The following LRIG1 variants were observed in gnomAD, a reference collection of about 807,000 sequenced individuals.
LRIG1 encodes the protein leucine rich repeats and immunoglobulin like domains 1.
In LRIG1, 48 loss-of-function variants were observed where a neutral mutation model predicts 99.2. The ratio of observed to expected loss-of-function variants is 0.48; its 90% CI spans 0.38 to 0.62. The LOEUF is 0.62. Ranked by LOEUF, LRIG1 falls within the 20% of genes least tolerant of loss-of-function variation. The pLI, the probability that LRIG1 is intolerant of heterozygous loss-of-function variation, is 0.00. For missense variants in LRIG1, 1,646 were observed against 1,434.4 expected, an observed-to-expected ratio of 1.15 and a Z score of -2.38; for synonymous variants, 772 against 596.1, an observed-to-expected ratio of 1.29 and a Z score of -4.30.
At chr3:66,442,319 C>T (rs1193812177) in intron 3 of LRIG1, among the ~76,000 whole-genome samples, 2 of 152,212 alleles carry the variant, frequency 1.3e-5, no homozygotes, top group African/African-American at 4.8e-5. Flanking sequence ...ACACAATAGG[C>T]CCTGCCTTCT....
chr3:66,455,838 T>C (rs1476775874), intron 2 of LRIG1, among the ~76,000 whole-genome samples: 1 of 152,238 alleles, frequency 6.6e-6, no homozygotes, highest in Non-Finnish European at 1.5e-5. Flanking sequence ...CTACACAAGA[T>C]AGCCAGATAA....
intron 3 of LRIG1, among the ~76,000 whole-genome samples, chr3:66,421,032 C>T (rs1487752230): frequency 6.6e-6 from 1 of 152,158 alleles, no homozygotes; most frequent in African/African-American, 2.4e-5. Context: ...ACCATCAGGT[C>T]TTATGAGACT....
intron 6 of LRIG1, among the ~76,000 whole-genome samples, chr3:66,412,007 A>G (rs1702483224): frequency 6.6e-6 from 1 of 152,246 alleles, no homozygotes; most frequent in Non-Finnish European, 1.5e-5. Flanking sequence ...TTAACTATAC[A>G]GTCAAATTAC....
At chr3:66,498,740 T>C (rs1265659986) in intron 1 of LRIG1, among the ~76,000 whole-genome samples, 1 of 152,158 alleles carries the variant, frequency 6.6e-6, no homozygotes, top group East Asian at 1.9e-4. Context: ...AAGAAGTAGA[T>C]ATTGAAAACC....
intron 3 of LRIG1, among the ~76,000 whole-genome samples, chr3:66,433,663 T>G (rs1703251051): frequency 6.6e-6 from 1 of 152,238 alleles, no homozygotes; most frequent in Non-Finnish European, 1.5e-5. Flanking sequence ...ACGCAATTTC[T>G]CAAGCCTTCA....
At chr3:66,487,453 A>G (rs2106913413) in intron 1 of LRIG1, among the ~76,000 whole-genome samples, 1 of 152,302 alleles carries the variant, frequency 6.6e-6, no homozygotes, top group African/African-American at 2.4e-5. Context: ...AAACTGGGGG[A>G]TCCGTTCTGC....
At chr3:66,461,376 A>G (rs1186092770) in intron 2 of LRIG1, among the ~76,000 whole-genome samples, 1 of 152,236 alleles carries the variant, frequency 6.6e-6, no homozygotes, top group Non-Finnish European at 1.5e-5. Flanking sequence ...AAATGGGTAA[A>G]AAACTTACCT....
intron 3 of LRIG1, among the ~76,000 whole-genome samples, chr3:66,442,371 T>G (rs918763324): frequency 1.3e-5 from 2 of 152,202 alleles, no homozygotes; most frequent in African/African-American, 4.8e-5. Context: ...CCAGCCATTT[T>G]CAGATTAGGT....
intron 2 of LRIG1, among the ~76,000 whole-genome samples, chr3:66,457,879 G>T (rs1700266186): frequency 6.6e-6 from 1 of 152,114 alleles, no homozygotes; most frequent in Non-Finnish European, 1.5e-5. Flanking sequence ...GGAGAACATG[G>T]GTCAAGTTCT....
In LRIG1 at chr3:66,403,846, T is replaced by C. The variant is rs550031358; in HGVS notation, c.1160+1352A>G. Among the ~76,000 whole-genome samples, 9 of 152,260 alleles carry C rather than the reference T, an allele frequency of 5.9e-5. No homozygotes were observed. The South Asian group carries it at 1.9e-3, about 32-fold the overall frequency. ...ACCCTTCAATCGGTTATGGCCGAGGTCAGGGAGGCTTATGCTGAGTGGTGG... is the reference window on the plus strand; with the variant it reads ...ACCCTTCAATCGGTTATGGCCGAGGCCAGGGAGGCTTATGCTGAGTGGTGG... On this transcript the variant is annotated intron_variant, in intron 9 of 18. Transcript: ENST00000273261.
At chr3:66,385,944 G>A (rs762784124) in intron 13 of LRIG1, 37 bp downstream of exon 13, 3 of 1,570,382 alleles carry the variant, frequency 1.9e-6, no homozygotes, top group Non-Finnish European at 2.6e-6. Context: ...GTGCTTTGTA[G>A]GATTCTGGTA....
intron 1 of LRIG1, among the ~76,000 whole-genome samples, chr3:66,471,601 C>T (rs888465804): frequency 6.6e-6 from 1 of 152,178 alleles, no homozygotes; most frequent in Non-Finnish European, 1.5e-5. Context: ...GGATGAAGGG[C>T]GGCCAGAGGT....
Position 66,379,913 on chromosome 3 carries a change from C to G in LRIG1, c.*350G>C, listed in dbSNP as rs1171976682. 4 of 178,588 alleles carry G rather than the reference C, an allele frequency of 2.2e-5. No individual in the cohort carries two copies. In the East Asian group the frequency reaches 5.9e-4, roughly 27 times the overall value. The allele number at this position is 178,588 out of a possible 1,614,324, so 11.1% of individuals were successfully genotyped here. A position where few individuals can be genotyped will look rare whatever the true frequency, so the allele number is the denominator to read the frequency against. On this transcript the variant is annotated 3_prime_UTR_variant, in exon 19 of 19. Coordinates refer to ENST00000273261, the MANE Select transcript of LRIG1 (RefSeq NM_015541.3). ...AAGGCACCAGAACTATTTCCCCACC[C>G]CCTCCAAAATTAAACAGCAACCTGA... is the stretch of plus-strand genomic sequence containing the variant.
intron 15 of LRIG1, among the ~76,000 whole-genome samples, chr3:66,382,736 G>T (rs1201773063): frequency 6.6e-6 from 1 of 152,228 alleles, no homozygotes; most frequent in Non-Finnish European, 1.5e-5. Context: ...AGTTAGCAAG[G>T]AGAGGGAAAA....
At chr3:66,499,217 T>C (rs1019961788) in intron 1 of LRIG1, among the ~76,000 whole-genome samples, 3 of 152,162 alleles carry the variant, frequency 2.0e-5, no homozygotes, top group South Asian at 4.1e-4. Context: ...AGAAGTCTAA[T>C]GCCTTTTTTT....
chr3:66,500,300 G>A lies in LRIG1; in HGVS notation c.108C>T (p.Gly36=), dbSNP rs1336112220. ...LRLEPVTAAA[G]PRAPCAAACT... is the part of the protein sequence containing the mutation. The stretch of plus-strand genomic sequence containing the variant: ...AGGCGGCCGCGCAGGGCGCCCGCGG[G>A]CCGGCCGCGGCGGTCACCGGCTCCA... Residue 36 remains glycine (G), a synonymous_variant, in exon 1 of 19, where the codon GGC becomes GGT. Coordinates refer to ENST00000273261, the MANE Select transcript of LRIG1 (RefSeq NM_015541.3). 2.7e-6 allele frequency: 4 copies of A among 1,473,818 alleles called. No homozygotes were observed. Among genetic ancestry groups the A allele is most frequent in the Non-Finnish European group, 3.6e-6 (4 of 1,117,532 alleles). 91.3% of individuals were successfully genotyped at this position (1,473,818 alleles called of 1,614,324 possible).
rs550629567 is a variant in LRIG1 at position 66,496,245 on chromosome 3, T to C, written c.218+3945A>G. 2.6e-5 allele frequency among the ~76,000 whole-genome samples: 4 copies of C among 152,344 alleles called. 1 individual carries two copies. In the South Asian group the frequency reaches 8.3e-4, roughly 32 times the overall value. ...GCGGGGCAGGAACAGTTCTGACATG[T>C]CCTAAAGGCAAGAGGGACATTGTGT... On this transcript the variant is annotated intron_variant, in intron 1 of 18. Transcript: ENST00000273261.
chr3:66,496,544 T>C (rs1701232032), intron 1 of LRIG1, among the ~76,000 whole-genome samples: 1 of 152,228 alleles, frequency 6.6e-6, no homozygotes, highest in African/African-American at 2.4e-5. Context: ...TAAAGTTCCC[T>C]GAAACTCTAA....
Position 66,380,770 on chromosome 3 carries a change from T to G in LRIG1, c.2862A>C (p.Arg954Ser), listed in dbSNP as rs201039124. 61 of 1,614,220 alleles carry G rather than the reference T, an allele frequency of 3.8e-5. No individual in the cohort carries two copies. The East Asian group carries it at 1.4e-3, about 36-fold the overall frequency. The change falls in exon 18 of 19, where the codon AGA (arginine) becomes AGC (serine). Residue 954 changes from arginine (R) to serine (S), a missense_variant. Physicochemically the swap from Arg to Ser is moderately radical, Grantham distance 110 (BLOSUM62 -1). Transcript: ENST00000273261. ...TTGGCGCACTTGGCTGTGCGCTGTC[T>G]CTGGACACAGGCTGGGGGTGGAAGG... Reference protein sequence around the residue: ...GQAFHPQPVSRDSAQPSAPNG... With the variant: ...GQAFHPQPVSSDSAQPSAPNG...
Sources: allele counts gnomAD v4.1 joint callset (sites outside exome capture counted in the v4.1 genomes callset), GRCh38; gene constraint gnomAD v4.1.1; transcripts MANE v1.5; gene names NCBI Gene and HGNC (gene_info 2026-07-23, HGNC 2026-07-21).